SLITRK6: variants seen among roughly 807,000 people sequenced by gnomAD.
The protein encoded by SLITRK6 is SLIT and NTRK like family member 6.
In SLITRK6, 35 loss-of-function variants were observed where a neutral mutation model predicts 55.6. The ratio of observed to expected loss-of-function variants is 0.63; its 90% CI spans 0.48 to 0.83. The LOEUF is 0.83. SLITRK6 is among the 40% of genes least tolerant of loss of function. SLITRK6 has a pLI of 0.00. For synonymous variants in SLITRK6, 392 were observed against 359.6 expected, an observed-to-expected ratio of 1.09 and a Z score of -1.02; for missense variants, 977 against 986.4, an observed-to-expected ratio of 0.99 and a Z score of 0.13.
rs1401780310 is a variant in SLITRK6, at chr13:85,795,704, T to G, written c.805A>C (p.Thr269Pro). The change falls in exon 2 of 2, where the codon ACT becomes CCT. Residue 269 changes from threonine to proline, a missense_variant. Thr to Pro is a conservative substitution (Grantham distance 38). Coordinates refer to ENST00000647374, the MANE Select transcript of SLITRK6 (RefSeq NM_032229.3). ...TCATGTTCTTCATACACTGGTGGAG[T>G]AGGGCAAATAGATTCCTTCTTTAGT... is the stretch of plus-strand genomic sequence containing the variant. ...SRLKKESICP[T>P]PPVYEEHEDP... is the part of the protein sequence containing the mutation. 1 of 1,612,734 alleles carries G rather than the reference T, an allele frequency of 6.2e-7. No homozygotes were observed. Among genetic ancestry groups the G allele is most frequent in the African/African-American group, 1.3e-5 (1 of 74,806 alleles).
Position 85,794,476 on chromosome 13 carries a change from T to C in SLITRK6, c.2033A>G (p.Tyr678Cys). Residue 678 changes from tyrosine (Y) to cysteine (C), a missense_variant, in exon 2 of 2, where the codon TAT (tyrosine) becomes TGT (cysteine). Transcript: ENST00000647374. ...CATGGGGCTCACCATGTGCTGTTCA[T>C]AGAGTGAGGCAGAGGGTCTTTCAGT... ...HTTERPSASL[Y>C]EQHMVSPMVH... 2 of 1,613,350 alleles carry C rather than the reference T, an allele frequency of 1.2e-6. No homozygotes were observed. Among genetic ancestry groups the C allele is most frequent in the Non-Finnish European group, 1.7e-6 (2 of 1,179,552 alleles).
At position 85,793,834 on chromosome 13, in the gene SLITRK6, GT is replaced by G; in HGVS notation, c.*148del. On this transcript the variant is annotated 3_prime_UTR_variant, in exon 2 of 2. Coordinates refer to ENST00000647374, the MANE Select transcript of SLITRK6 (RefSeq NM_032229.3). ...CATGGCTTCTCCCAGTGATCCCTGAGTTTCTTTTTCTTCTTCTTTTTTTTTC... is the reference window on the plus strand; with the variant it reads ...CATGGCTTCTCCCAGTGATCCCTGAGTTCTTTTTCTTCTTCTTTTTTTTTC... 1 of 868,400 alleles carries G rather than the reference GT, an allele frequency of 1.2e-6. No individual in the cohort carries two copies. Among genetic ancestry groups the G allele is most frequent in the East Asian group, 3.0e-5 (1 of 33,126 alleles). 53.8% of individuals were successfully genotyped at this position (868,400 alleles called of 1,614,324 possible).
chr13:85,798,399 G>C (rs957993261), intron 1 of SLITRK6, among the ~76,000 whole-genome samples: 2 of 151,872 alleles, frequency 1.3e-5, no homozygotes, highest in Non-Finnish European at 2.9e-5. Context: ...TCTTCAAAAC[G>C]TGCTAGGAAA....
In SLITRK6 at chr13:85,796,310, A is replaced by G. The variant is rs769107611; in HGVS notation, c.199T>C (p.Phe67Leu). The change falls in exon 2 of 2, where the codon TTC (phenylalanine) becomes CTC (leucine). Residue 67 changes from phenylalanine (F) to leucine (L), a missense_variant. Phe to Leu is a conservative substitution (Grantham distance 22). Transcript: ENST00000647374. ...CCGTTATTTAATAAGCTTAGTTGGAAAGGTCGTGATGGTGGCACACTTATT... is the reference window on the plus strand; with the variant it reads ...CCGTTATTTAATAAGCTTAGTTGGAGAGGTCGTGATGGTGGCACACTTATT... ...SEISVPPSRPFQLSLLNNGLT... is the reference protein window; with the variant it reads ...SEISVPPSRPLQLSLLNNGLT... 6.2e-7 allele frequency: 1 copy of G among 1,611,860 alleles called. No individual in the cohort carries two copies. Among genetic ancestry groups the G allele is most frequent in the Non-Finnish European group, 8.5e-7 (1 of 1,178,968 alleles).
Position 85,795,707 on chromosome 13 carries a change from G to C in SLITRK6, c.802C>G (p.Pro268Ala). 6.2e-7 allele frequency: 1 copy of C among 1,612,756 alleles called. No individual in the cohort carries two copies. Among genetic ancestry groups the C allele is most frequent in the Non-Finnish European group, 8.5e-7 (1 of 1,179,320 alleles). Residue 268 changes from proline to alanine, a missense_variant, in exon 2 of 2, where the codon CCT becomes GCT. Transcript: ENST00000647374. ...TGTTCTTCATACACTGGTGGAGTAG[G>C]GCAAATAGATTCCTTCTTTAGTCTA... ...LSRLKKESIC[P>A]TPPVYEEHED...
chr13:85,797,999 A>G (rs957827712), intron 1 of SLITRK6, among the ~76,000 whole-genome samples: 3 of 151,934 alleles, frequency 2.0e-5, no homozygotes, highest in Admixed American at 6.6e-5. Flanking sequence ...CCAGAACCCA[A>G]TCAACAATCC....
chr13:85,798,028 C>G (rs754231465), intron 1 of SLITRK6, among the ~76,000 whole-genome samples: 5 of 151,800 alleles, frequency 3.3e-5, no homozygotes, highest in Non-Finnish European at 7.4e-5. Flanking sequence ...AACTTGCATT[C>G]CCTGAAAACA....
Position 85,795,569 on chromosome 13 carries a change from T to A in SLITRK6, c.940A>T (p.Ile314Leu). 6.2e-7 allele frequency: 1 copy of A among 1,612,894 alleles called. No homozygotes were observed. Among genetic ancestry groups the A allele is most frequent in the Non-Finnish European group, 8.5e-7 (1 of 1,179,344 alleles). The change falls in exon 2 of 2, where the codon ATA (isoleucine) becomes TTA (leucine). Residue 314 changes from isoleucine (I) to leucine (L), a missense_variant. Ile to Leu is a conservative substitution (Grantham distance 5). Coordinates refer to ENST00000647374, the MANE Select transcript of SLITRK6 (RefSeq NM_032229.3). ...GTGGATGGCTTTGTAATATAAGGTA[T>A]CAAACCTGGTGCTTTGGTGGGTAGT... ...LKLPTKAPGLIPYITKPSTQL... is the reference protein window; with the variant it reads ...LKLPTKAPGLLPYITKPSTQL...
chr13:85,794,990 C>G lies in SLITRK6; in HGVS notation c.1519G>C (p.Asp507His). The change falls in exon 2 of 2, where the codon GAT (aspartate) becomes CAT (histidine). Residue 507 changes from aspartate (D) to histidine (H), a missense_variant. By Grantham distance (81) the Asp-to-His change is moderately conservative. Transcript: ENST00000647374. ...TCAAGGTCAATCTGGGTTAGCAAATCAAGATCATCCAAAATATTACTTACA... is the reference window on the plus strand; with the variant it reads ...TCAAGGTCAATCTGGGTTAGCAAATGAAGATCATCCAAAATATTACTTACA... The part of the protein sequence containing the change: ...LPVSNILDDL[D>H]LLTQIDLEDN... The G allele has an allele frequency of 4.3e-6, 7 of 1,613,042 alleles. No individual in the cohort carries two copies. Among genetic ancestry groups the G allele is most frequent in the Non-Finnish European group, 5.9e-6 (7 of 1,179,420 alleles).
chr13:85,795,120 G>T lies in SLITRK6; in HGVS notation c.1389C>A (p.Val463=). The T allele has an allele frequency of 6.2e-7, 1 of 1,612,916 alleles. No individual in the cohort carries two copies. Among genetic ancestry groups the T allele is most frequent in the Non-Finnish European group, 8.5e-7 (1 of 1,179,328 alleles). ...GTFNPMPKLK[V]LYLNNNLLQV... is the part of the protein sequence containing the mutation. ...GGAGGAGGTTGTTATTTAAATACAG[G>T]ACTTTAAGTTTAGGCATTGGATTAA... is the stretch of plus-strand genomic sequence containing the variant. Residue 463 remains valine (V), a synonymous_variant, in exon 2 of 2, where the codon GTC becomes GTA. Coordinates refer to ENST00000647374, the MANE Select transcript of SLITRK6 (RefSeq NM_032229.3).
In SLITRK6 at chr13:85,795,908, C is replaced by T. The variant is rs775191586; in HGVS notation, c.601G>A (p.Val201Ile). ...RGNQLQTLPY[V>I]GFLEHIGRIL... is the part of the protein sequence containing the mutation. ...CGGCCAATGTGTTCGAGAAAACCAA[C>T]ATAAGGCAATGTTTGTAATTGATTT... The change falls in exon 2 of 2, where the codon GTT (valine) becomes ATT (isoleucine). Residue 201 changes from valine to isoleucine, a missense_variant. Val to Ile is a conservative substitution (Grantham distance 29). Coordinates refer to ENST00000647374, the MANE Select transcript of SLITRK6 (RefSeq NM_032229.3). 2 of 1,613,040 alleles carry T rather than the reference C, an allele frequency of 1.2e-6. No individual in the cohort carries two copies. Among genetic ancestry groups the T allele is most frequent in the Non-Finnish European group, 1.7e-6 (2 of 1,179,432 alleles).
In SLITRK6 at chr13:85,795,196, T is replaced by G. The variant is rs367669487; in HGVS notation, c.1313A>C (p.Glu438Ala). 3.1e-6 allele frequency: 5 copies of G among 1,612,330 alleles called. No individual in the cohort carries two copies. The African/African-American group carries it at 6.7e-5, about 22-fold the overall frequency. Residue 438 changes from glutamate (E) to alanine (A), a missense_variant, in exon 2 of 2, where the codon GAA (glutamate) becomes GCA (alanine). Coordinates refer to ENST00000647374, the MANE Select transcript of SLITRK6 (RefSeq NM_032229.3). ...GGCATTGTATTCAAGATATAAGTATTCAAGATTATGGAGACCAAGGAACAT... is the reference window on the plus strand; with the variant it reads ...GGCATTGTATTCAAGATATAAGTATGCAAGATTATGGAGACCAAGGAACAT... ...KGMFLGLHNL[E>A]YLYLEYNAIK...
At chr13:85,797,397 G>A (rs539831361) in intron 1 of SLITRK6, among the ~76,000 whole-genome samples, 179 of 151,514 alleles carry the variant, frequency 1.2e-3, no homozygotes, top group Non-Finnish European at 2.1e-3. Flanking sequence ...TCTTAATTAC[G>A]TTATAGATGA....
In SLITRK6 at chr13:85,796,269, G is replaced by A; in HGVS notation, c.240C>T (p.His80=). ...SLLNNGLTML[H]TNDFSGLTNA... ...TGGTAAGCCCAGAAAAGTCATTTGT[G>A]TGAAGCATCGTCAAGCCGTTATTTA... The change falls in exon 2 of 2, where the codon CAC becomes CAT. Residue 80 remains histidine, a synonymous_variant. Coordinates refer to ENST00000647374, the MANE Select transcript of SLITRK6 (RefSeq NM_032229.3). 6.2e-7 allele frequency: 1 copy of A among 1,612,198 alleles called. No individual in the cohort carries two copies. Among genetic ancestry groups the A allele is most frequent in the Non-Finnish European group, 8.5e-7 (1 of 1,179,032 alleles).
chr13:85,794,324 G>C lies in SLITRK6; in HGVS notation c.2185C>G (p.Pro729Ala). Residue 729 changes from proline to alanine, a missense_variant, in exon 2 of 2, where the codon CCA becomes GCA. Transcript: ENST00000647374. ...TATTTCATATTTGACCCTGTGAGTG[G>C]TGAATGATTTTCCTGTTCCAAAAGA... is the stretch of plus-strand genomic sequence containing the variant. ...RSLLEQENHS[P>A]LTGSNMKYKT... The C allele has an allele frequency of 1.9e-6, 3 of 1,613,256 alleles. No individual in the cohort carries two copies. The highest frequency in any genetic ancestry group is 2.5e-6 in the Non-Finnish European group (3 of 1,179,560).
chr13:85,795,653 C>G lies in SLITRK6; in HGVS notation c.856G>C (p.Ala286Pro), dbSNP rs1874695381. 1 of 1,612,882 alleles carries G rather than the reference C, an allele frequency of 6.2e-7. No homozygotes were observed. Among genetic ancestry groups the G allele is most frequent in the South Asian group, 1.1e-5 (1 of 91,068 alleles). Reference protein sequence around the residue: ...HEDPSGSLHLAATSSINDSRM... With the variant: ...HEDPSGSLHLPATSSINDSRM... ...CTATCATTTATTGAAGATGTTGCTGCCAGATGTAATGATCCTGAAGGATCC... is the reference window on the plus strand; with the variant it reads ...CTATCATTTATTGAAGATGTTGCTGGCAGATGTAATGATCCTGAAGGATCC... Residue 286 changes from alanine to proline, a missense_variant, in exon 2 of 2, where the codon GCA becomes CCA. Coordinates refer to ENST00000647374, the MANE Select transcript of SLITRK6 (RefSeq NM_032229.3).
Position 85,795,006 on chromosome 13 carries a change from A to C in SLITRK6, c.1503T>G (p.Asn501Lys). The C allele has an allele frequency of 6.2e-7, 1 of 1,612,996 alleles. No individual in the cohort carries two copies. The highest frequency in any genetic ancestry group is 2.2e-5 in the East Asian group (1 of 44,816). ...TNQFTHLPVS[N>K]ILDDLDLLTQ... ...TTAGCAAATCAAGATCATCCAAAAT[A>C]TTACTTACAGGTAGATGGGTAAACT... Residue 501 changes from asparagine to lysine, a missense_variant, in exon 2 of 2, where the codon AAT becomes AAG. By Grantham distance (94) the Asn-to-Lys change is moderately conservative. Transcript: ENST00000647374.
At chr13:85,798,512 G>A (rs619791) in intron 1 of SLITRK6, among the ~76,000 whole-genome samples, 3,868 of 151,984 alleles carry the variant, frequency 0.025, 79 homozygotes, top group Middle Eastern at 0.058. Context: ...TCATTGACAT[G>A]TTTTCTGAGA....
At position 85,794,285 on chromosome 13, in the gene SLITRK6, G is replaced by C. The variant is rs759478977; in HGVS notation, c.2224C>G (p.Gln742Glu). 111 of 1,613,304 alleles carry C rather than the reference G, an allele frequency of 6.9e-5. 3 individuals are homozygous for C. In the Middle Eastern group the frequency reaches 4.0e-3, roughly 58 times the overall value. The change falls in exon 2 of 2, where the codon CAA becomes GAA. Residue 742 changes from glutamine (Q) to glutamate (E), a missense_variant. By Grantham distance (29) the Gln-to-Glu change is conservative (BLOSUM62 2). Coordinates refer to ENST00000647374, the MANE Select transcript of SLITRK6 (RefSeq NM_032229.3). ...GSNMKYKTTNQSTEFLSFQDA... is the reference protein window; with the variant it reads ...GSNMKYKTTNESTEFLSFQDA... Reference sequence around the variant, plus strand: ...TGGAAGGATAAAAATTCTGTTGATTGGTTCGTGGTTTTGTATTTCATATTT... The same window carrying C: ...TGGAAGGATAAAAATTCTGTTGATTCGTTCGTGGTTTTGTATTTCATATTT...
Sources: gnomAD v4.1 joint callset for allele counts (sites outside exome capture counted in the v4.1 genomes callset) on GRCh38, gnomAD v4.1.1 for gene constraint, MANE v1.5 for transcripts, NCBI Gene and HGNC (gene_info 2026-07-23, HGNC 2026-07-21) for gene names.